Variants in PKD1L1 observed in about 807,000 individuals in gnomAD.
The protein encoded by PKD1L1 is polycystin-1-like protein 1.
Under a neutral mutation model 323.4 loss-of-function variants are expected in PKD1L1, and 236 were observed. The observed-to-expected ratio is 0.73, with a 90% CI of 0.66 to 0.81. The LOEUF (loss-of-function observed/expected upper bound fraction) is 0.81. PKD1L1 is among the 40% of genes least tolerant of loss of function. PKD1L1 has a pLI of 0.00. For missense variants in PKD1L1, 3,320 were observed against 3,508.0 expected (o/e 0.95, Z 1.35); for synonymous variants, 1,344 against 1,335.0 (o/e 1.01, Z -0.15).
At chr7:47,801,100 G>C (rs1267315717) in intron 53 of PKD1L1, among the ~76,000 whole-genome samples, 1 of 151,928 alleles carries the variant, frequency 6.6e-6, no homozygotes, top group Non-Finnish European at 1.5e-5. Flanking sequence ...CCACACTGTG[G>C]CTGGTCTCCC....
chr7:47,898,578 AT>A (rs1787011445), intron 13 of PKD1L1, among the ~76,000 whole-genome samples: 1 of 152,110 alleles, frequency 6.6e-6, no homozygotes, highest in Admixed American at 6.5e-5. Flanking sequence ...GTATATATAA[AT>A]TTTTTAAATC....
intron 36 of PKD1L1, among the ~76,000 whole-genome samples, chr7:47,838,967 C>T (rs182488035): frequency 6.0e-4 from 90 of 150,938 alleles, no homozygotes; most frequent in Middle Eastern, 7.0e-3. Flanking sequence ...TAGGGAAAGA[C>T]GGAAAGGACA....
chr7:47,880,347 T>C (rs1193049330), intron 21 of PKD1L1, among the ~76,000 whole-genome samples: 3 of 137,316 alleles, frequency 2.2e-5, no homozygotes, highest in African/African-American at 8.6e-5. Flanking sequence ...AGTGGCGCGA[T>C]CTTGGCTCAC....
intron 46 of PKD1L1, 37 bp from the exon 47 acceptor site, chr7:47,815,494 A>G (rs1467439193): frequency 1.9e-6 from 3 of 1,605,262 alleles, no homozygotes; most frequent in Non-Finnish European, 2.6e-6. Flanking sequence ...TTGCTTCTGC[A>G]TCAACAAGAA....
intron 13 of PKD1L1, among the ~76,000 whole-genome samples, chr7:47,901,040 GTAAAA>G (rs1455760486): frequency 6.6e-6 from 1 of 151,850 alleles, no homozygotes; most frequent in Admixed American, 6.6e-5. Context: ...TAGAAAACAC[GTAAAA>G]TAAAGAAAAA....
chr7:47,904,766 A>G (rs1583663283), intron 11 of PKD1L1, 149 bp from the exon 12 acceptor site: 2 of 1,019,370 alleles, frequency 2.0e-6, no homozygotes, highest in East Asian at 2.6e-5. Context: ...GTATCTAGTG[A>G]TTTTCATCTT....
Position 47,905,844 on chromosome 7 carries a change from T to C in PKD1L1, c.1521A>G (p.Gln507=), listed in dbSNP as rs149070884. 1.9e-6 allele frequency: 3 copies of C among 1,611,782 alleles called. No individual in the cohort carries two copies. The highest frequency in any genetic ancestry group is 1.7e-5 in the Admixed American group (1 of 59,068). ...WHSMTVWYKM[Q]SVSVYTNGTV... ...TCTGGAATTAAAACAAAGACATACA[T>C]TGCATCTTATACCAGACAGTCATGC... The change falls in exon 10 of 57, where the codon CAA becomes CAG. Residue 507 remains glutamine, a splice_region_variant and synonymous_variant. Coordinates refer to ENST00000289672, the MANE Select transcript of PKD1L1 (RefSeq NM_138295.5).
chr7:47,918,925 CACAA>C (rs770633246), intron 7 of PKD1L1, among the ~76,000 whole-genome samples: 23 of 151,990 alleles, frequency 1.5e-4, no homozygotes, highest in Non-Finnish European at 3.2e-4. Flanking sequence ...TCTGAAAGAG[CACAA>C]ACAGACAATC....
chr7:47,784,127 G>A (rs991183732), intron 56 of PKD1L1, among the ~76,000 whole-genome samples: 5 of 152,286 alleles, frequency 3.3e-5, no homozygotes, highest in Admixed American at 2.6e-4. Context: ...TGTCTGCCAG[G>A]AAGGAATGAA....
At position 47,882,058 on chromosome 7, in the gene PKD1L1, C is replaced by T; in HGVS notation, c.3293G>A (p.Gly1098Glu). The T allele has an allele frequency of 1.2e-6, 2 of 1,613,480 alleles. No homozygotes were observed. Among genetic ancestry groups the T allele is most frequent in the South Asian group, 1.1e-5 (1 of 90,990 alleles). ...PAKDTSFPGS[G>E]PSLSAEESPG... is the part of the protein sequence containing the mutation. ...GCTCTCCTCGGCACTCAAGCTAGGTCCTGATCCTGGAAAGCTGGTGTCCTT... is the reference window on the plus strand; with the variant it reads ...GCTCTCCTCGGCACTCAAGCTAGGTTCTGATCCTGGAAAGCTGGTGTCCTT... Residue 1098 changes from glycine to glutamate, a missense_variant, in exon 20 of 57, where the codon GGA (glycine) becomes GAA (glutamate). Gly to Glu is a moderately conservative substitution (Grantham distance 98, BLOSUM62 -2). Transcript: ENST00000289672.
rs143978651 is a variant in PKD1L1 at position 47,826,256 on chromosome 7, T to C, written c.6854+1094A>G. On this transcript the variant is annotated intron_variant, in intron 45 of 56. Coordinates refer to ENST00000289672, the MANE Select transcript of PKD1L1 (RefSeq NM_138295.5). ...TGGTTGGTCCCCACCTGAGTGCCTTTGGAGGTGTGTGTGGTGGGGGCCATC... is the reference window on the plus strand; with the variant it reads ...TGGTTGGTCCCCACCTGAGTGCCTTCGGAGGTGTGTGTGGTGGGGGCCATC... Among the ~76,000 whole-genome samples, 37 of 152,310 alleles carry C rather than the reference T, an allele frequency of 2.4e-4. 1 individual carries two copies. Among genetic ancestry groups the C allele is most frequent in the African/African-American group, 7.0e-4 (29 of 41,586 alleles).
At chr7:47,780,307 G>A (rs914326686) in intron 56 of PKD1L1, among the ~76,000 whole-genome samples, 3 of 152,034 alleles carry the variant, frequency 2.0e-5, no homozygotes, top group African/African-American at 4.8e-5. Context: ...ACCACGAACT[G>A]CTTCCCTTGT....
chr7:47,792,838 T>A, intron 55 of PKD1L1, 41 bp from the exon 56 acceptor site: 1 of 1,543,520 alleles, frequency 6.5e-7, no homozygotes, highest in Non-Finnish European at 8.9e-7. Context: ...CATTCAAGAA[T>A]CTCATTATCC....
chr7:47,884,788 C>A, intron 18 of PKD1L1, 131 bp from the exon 19 acceptor site: 1 of 754,900 alleles, frequency 1.3e-6, no homozygotes, highest in Non-Finnish European at 2.2e-6. Flanking sequence ...CTGTGGATTA[C>A]AAAATACCCT....
intron 9 of PKD1L1, among the ~76,000 whole-genome samples, chr7:47,907,045 C>T (rs1206238658): frequency 2.0e-5 from 3 of 152,212 alleles, no homozygotes; most frequent in East Asian, 1.9e-4. Flanking sequence ...ACTGGCTAGA[C>T]GTGCTGCTTA....
chr7:47,835,727 G>T (rs1785443863), intron 37 of PKD1L1, among the ~76,000 whole-genome samples: 1 of 151,846 alleles, frequency 6.6e-6, no homozygotes, highest in Non-Finnish European at 1.5e-5. Flanking sequence ...AATGCTTCAT[G>T]TTCAATATTC....
In PKD1L1 at chr7:47,887,509, C is replaced by T. The variant is rs148716389; in HGVS notation, c.2836+481G>A. 9.8e-5 allele frequency among the ~76,000 whole-genome samples: 15 copies of T among 152,322 alleles called. No individual in the cohort carries two copies. The East Asian group carries it at 2.7e-3, about 27-fold the overall frequency. On this transcript the variant is annotated intron_variant, in intron 17 of 56. Transcript: ENST00000289672. ...TACCACTCTGTGAAATAGTAGGATC[C>T]TCATCTTTCACCAAAGAAAATTAAA... is the stretch of plus-strand genomic sequence containing the variant.
At chr7:47,789,606 G>A (rs1055719223) in intron 56 of PKD1L1, among the ~76,000 whole-genome samples, 1 of 152,012 alleles carries the variant, frequency 6.6e-6, no homozygotes, top group Non-Finnish European at 1.5e-5. Flanking sequence ...TCCTATTTGA[G>A]CTGAACACAC....
intron 16 of PKD1L1, among the ~76,000 whole-genome samples, chr7:47,889,497 T>C (rs112339662): frequency 0.053 from 7,996 of 152,196 alleles, 536 homozygotes; most frequent in African/African-American, 0.16. Context: ...CCCTGGGCAG[T>C]GCTGTATGAC....
Sources: gnomAD v4.1 joint callset for allele counts (sites outside exome capture counted in the v4.1 genomes callset) on GRCh38, gnomAD v4.1.1 for gene constraint, MANE v1.5 for transcripts, NCBI Gene and HGNC (gene_info 2026-07-23, HGNC 2026-07-21) for gene names.